Variants in ZNF710 observed in about 807,000 individuals in gnomAD.
The protein encoded by ZNF710 is zinc finger protein 710.
In ZNF710, 13 loss-of-function variants were observed where a neutral mutation model predicts 50.6. That is an observed-to-expected ratio of 0.26 (90% CI 0.17 to 0.41). ZNF710 has a LOEUF of 0.41. ZNF710 is among the 10% of genes least tolerant of loss of function. The pLI, the probability that ZNF710 is intolerant of heterozygous loss-of-function variation, is 1.00. For missense variants in ZNF710, 721 were observed against 936.6 expected (o/e 0.77, Z 3.01); for synonymous variants, 383 against 397.0 (o/e 0.96, Z 0.42).
upstream of ZNF710, among the ~76,000 whole-genome samples, chr15:90,000,028 C>G (rs551369836): frequency 4.7e-5 from 7 of 150,408 alleles, no homozygotes; most frequent in East Asian, 1.2e-3. Context: ...AGTTTGCTCT[C>G]GGGGCCCACC....
intron 1 of ZNF710, among the ~76,000 whole-genome samples, chr15:90,004,497 G>C (rs1898089991): frequency 6.6e-6 from 1 of 152,200 alleles, no homozygotes; most frequent in South Asian, 2.1e-4. Flanking sequence ...CCCGCGGCAG[G>C]ACTCATTATG....
intron 1 of ZNF710, chr15:90,025,519 C>G (rs1387886200): frequency 2.0e-5 from 3 of 152,196 alleles, no homozygotes; most frequent in African/African-American, 7.2e-5. Flanking sequence ...TGTATTTCCT[C>G]ACAGCCTTTT....
chr15:90,037,205 C>A (rs1899154065), intron 1 of ZNF710, among the ~76,000 whole-genome samples: 1 of 152,192 alleles, frequency 6.6e-6, no homozygotes, highest in Non-Finnish European at 1.5e-5. Context: ...CAGGTTCATT[C>A]CCCGGGTGGC....
intron 2 of ZNF710, among the ~76,000 whole-genome samples, chr15:90,071,927 G>C (rs1900404505): frequency 6.6e-6 from 1 of 152,006 alleles, no homozygotes; most frequent in South Asian, 2.1e-4. Context: ...GCCCACCTTA[G>C]CCTCCCAAAG....
chr15:90,062,518 G>A lies in ZNF710; in HGVS notation c.-28-4592G>A, dbSNP rs78286462. On this transcript the variant is annotated intron_variant, in intron 1 of 4. Transcript: ENST00000268154. The surrounding 1 kb of genome is among the most constrained non-coding windows in gnomAD (Gnocchi z 5.6). ...CTAAGAAGGGAGGGGCCCCAGTGGG[G>A]CCCCAGGCGGATGACAGAGGGGCCT... 0.014 allele frequency among the ~76,000 whole-genome samples: 2,111 copies of A among 152,210 alleles called. 145 individuals carry two copies. The East Asian group carries it at 0.19, about 14-fold the overall frequency.
At position 90,067,055 on chromosome 15, in the gene ZNF710, G is replaced by A; in HGVS notation, c.-28-55G>A. ...AGCCCTTGTCTGTGCTGTGTCTGTT[G>A]TCTGTCTGTGCAGGAGTGAGCCAGC... On this transcript the variant is annotated intron_variant, in intron 1 of 4. Transcript: ENST00000268154. This position sits in a 1 kb window ranked among gnomAD's most constrained non-coding sequence, Gnocchi z 8.1. 1 of 1,504,810 alleles carries A rather than the reference G, an allele frequency of 6.6e-7. No individual in the cohort carries two copies. Among genetic ancestry groups the A allele is most frequent in the South Asian group, 1.4e-5 (1 of 73,788 alleles). The allele number at this position is 1,504,810 out of a possible 1,614,324, so 93.2% of individuals were successfully genotyped here.
At chr15:90,074,065 G>A (rs763895801) in intron 3 of ZNF710, 51 bp from the exon 4 acceptor site, 32 of 1,566,218 alleles carry the variant, frequency 2.0e-5, no homozygotes, top group South Asian at 7.2e-5. Flanking sequence ...GCTGGGGTCC[G>A]GGGAAAGCAG....
intron 1 of ZNF710, among the ~76,000 whole-genome samples, chr15:90,047,170 G>C (rs1352830047): frequency 6.7e-6 from 1 of 149,602 alleles, no homozygotes; most frequent in Non-Finnish European, 1.5e-5. Flanking sequence ...CAGGGCCCCA[G>C]TTTCCCAGGT....
intron 1 of ZNF710, among the ~76,000 whole-genome samples, chr15:90,037,890 C>T (rs1233066239): frequency 6.6e-6 from 1 of 152,182 alleles, no homozygotes; most frequent in African/African-American, 2.4e-5. Context: ...AAGAGACAGG[C>T]TTGAGCAGGG....
rs1245982002 is a variant in ZNF710, at chr15:90,062,379, C to T, written c.-28-4731C>T. ...GTGGGAGGCCACGCCACATCCCAGCCAGTGGTCGCCCCTCATCTTGCCAGC... is the reference window on the plus strand; with the variant it reads ...GTGGGAGGCCACGCCACATCCCAGCTAGTGGTCGCCCCTCATCTTGCCAGC... On this transcript the variant is annotated intron_variant, in intron 1 of 4. Coordinates refer to ENST00000268154, the MANE Select transcript of ZNF710 (RefSeq NM_198526.4). This position sits in a 1 kb window ranked among gnomAD's most constrained non-coding sequence, Gnocchi z 5.6. 6.6e-6 allele frequency among the ~76,000 whole-genome samples: 1 copy of T among 152,204 alleles called. No individual in the cohort carries two copies. The highest frequency in any genetic ancestry group is 2.4e-5 in the African/African-American group (1 of 41,448).
At chr15:90,044,943 C>T (rs1012967169) in intron 1 of ZNF710, among the ~76,000 whole-genome samples, 17 of 152,246 alleles carry the variant, frequency 1.1e-4, no homozygotes, top group African/African-American at 2.4e-4. Flanking sequence ...GCCAAACCCC[C>T]GCACTGTGTC....
chr15:90,071,865 A>ACGG (rs1900401575), intron 2 of ZNF710, among the ~76,000 whole-genome samples: 9 of 152,098 alleles, frequency 5.9e-5, no homozygotes, highest in African/African-American at 2.2e-4. Context: ...TAGTAGAGAT[A>ACGG]GGGTTTCACC....
At chr15:90,042,320 G>T (rs1025997899) in intron 1 of ZNF710, among the ~76,000 whole-genome samples, 1 of 152,178 alleles carries the variant, frequency 6.6e-6, no homozygotes, top group Admixed American at 6.5e-5. Flanking sequence ...GGAAAGGAAG[G>T]GTTTTCTTTC....
At chr15:90,039,302 T>A (rs1899229701) in intron 1 of ZNF710, among the ~76,000 whole-genome samples, 1 of 150,920 alleles carries the variant, frequency 6.6e-6, no homozygotes, top group African/African-American at 2.4e-5. Flanking sequence ...GTGCTTCTGA[T>A]GTGTACAGAT....
chr15:89,998,880 A>G (rs1436496288), upstream of ZNF710, among the ~76,000 whole-genome samples: 2 of 152,212 alleles, frequency 1.3e-5, no homozygotes, highest in East Asian at 3.8e-4. Context: ...CCCGAAATTA[A>G]GTCGAAGTTA....
At chr15:90,027,041 CATATAA>C (rs1290419002) in intron 1 of ZNF710, among the ~76,000 whole-genome samples, 1 of 152,068 alleles carries the variant, frequency 6.6e-6, no homozygotes, top group Non-Finnish European at 1.5e-5. Context: ...GAAACAGAAA[CATATAA>C]ATATTATAAA....
chr15:90,058,819 G>A (rs777832893), intron 1 of ZNF710, among the ~76,000 whole-genome samples: 27 of 151,974 alleles, frequency 1.8e-4, no homozygotes, highest in Non-Finnish European at 3.5e-4. Context: ...GGGCAGACCC[G>A]GGGGCTGGAA....
rs1899256058 is a variant in ZNF710 at position 90,040,197 on chromosome 15, A to C, written c.-28-26913A>C. ...GGTCACCCAGGCCTCAGGCCTGTGC[A>C]CTGTGGCCACTGCCTCCTCTGCACG... On this transcript the variant is annotated intron_variant, in intron 1 of 4. Coordinates refer to ENST00000268154, the MANE Select transcript of ZNF710 (RefSeq NM_198526.4). This position sits in a 1 kb window ranked among gnomAD's most constrained non-coding sequence, Gnocchi z 4.6. Among the ~76,000 whole-genome samples, 1 of 152,198 alleles carries C rather than the reference A, an allele frequency of 6.6e-6. No homozygotes were observed. The highest frequency in any genetic ancestry group is 2.4e-5 in the African/African-American group (1 of 41,462).
At chr15:90,061,713 T>C (rs1036317764) in intron 1 of ZNF710, among the ~76,000 whole-genome samples, 6 of 152,138 alleles carry the variant, frequency 3.9e-5, no homozygotes, top group African/African-American at 1.4e-4. Context: ...AGGAGCACTG[T>C]TGTGAGCAGT....
Sources: gnomAD v4.1 joint callset for allele counts (sites outside exome capture counted in the v4.1 genomes callset) on GRCh38, gnomAD v4.1.1 for gene constraint, Gnocchi (gnomAD v3.1) non-coding constraint, MANE v1.5 for transcripts, NCBI Gene and HGNC (gene_info 2026-07-23, HGNC 2026-07-21) for gene names.